The following SCFD2 variants were observed in gnomAD, a reference collection of about 807,000 sequenced individuals.
SCFD2 encodes sec1 family domain containing 2, also known as sec1 family domain-containing protein 2.
Under a neutral mutation model 58.9 loss-of-function variants are expected in SCFD2, and 54 were observed. The observed-to-expected ratio is 0.92, with a 90% CI of 0.74 to 1.15. The LOEUF (loss-of-function observed/expected upper bound fraction) is 1.15. SCFD2 is among the 50% of genes most tolerant of loss of function. The pLI is 0.00. For synonymous variants in SCFD2, 321 were observed against 335.9 expected (o/e 0.96, Z 0.49); for missense variants, 805 against 836.6 (o/e 0.96, Z 0.47).
At chr4:53,241,769 C>T (rs1253079227) in intron 4 of SCFD2, among the ~76,000 whole-genome samples, 1 of 152,328 alleles carries the variant, frequency 6.6e-6, no homozygotes, top group Non-Finnish European at 1.5e-5. Context: ...CCTCCTGCTG[C>T]ACCACCATTG....
chr4:53,289,439 G>C (rs1429181978), intron 3 of SCFD2, among the ~76,000 whole-genome samples: 1 of 151,898 alleles, frequency 6.6e-6, no homozygotes, highest in Non-Finnish European at 1.5e-5. Flanking sequence ...TAAGCCTCAA[G>C]ATAAAAGATA....
chr4:52,954,349 C>T (rs1034653369), intron 5 of SCFD2, among the ~76,000 whole-genome samples: 1 of 152,090 alleles, frequency 6.6e-6, no homozygotes, highest in Non-Finnish European at 1.5e-5. Context: ...TTCCCATCTT[C>T]CTCAAATCTG....
At chr4:53,024,545 A>G (rs574981858) in intron 5 of SCFD2, among the ~76,000 whole-genome samples, 2 of 152,320 alleles carry the variant, frequency 1.3e-5, no homozygotes, top group South Asian at 4.1e-4. Flanking sequence ...TTCTTTCTAG[A>G]TATTTGGTTT....
chr4:52,899,970 G>A (rs959065271), intron 7 of SCFD2, among the ~76,000 whole-genome samples: 16 of 152,134 alleles, frequency 1.1e-4, no homozygotes, highest in Non-Finnish European at 1.9e-4. Context: ...CATTCGTCAC[G>A]TAGTTCTCGT....
chr4:52,944,681 C>T (rs536962957), intron 5 of SCFD2, among the ~76,000 whole-genome samples: 1 of 152,354 alleles, frequency 6.6e-6, no homozygotes, highest in Admixed American at 6.5e-5. Flanking sequence ...AATAGATACT[C>T]TACTTCAACT....
At chr4:53,075,850 G>A (rs185941721) in intron 5 of SCFD2, among the ~76,000 whole-genome samples, 1 of 152,304 alleles carries the variant, frequency 6.6e-6, no homozygotes, top group African/African-American at 2.4e-5. Context: ...GAAATATTGT[G>A]AGAGTTACCA....
intron 5 of SCFD2, chr4:52,950,970 C>A (rs1366248740): frequency 6.6e-6 from 1 of 152,156 alleles, no homozygotes; most frequent in Non-Finnish European, 1.5e-5. Context: ...TCCGTTCCCC[C>A]ACTTAGTGGA....
intron 4 of SCFD2, among the ~76,000 whole-genome samples, chr4:53,164,426 A>G (rs1407223661): frequency 6.6e-6 from 1 of 152,164 alleles, no homozygotes; most frequent in African/African-American, 2.4e-5. Context: ...GCCTAGGTCC[A>G]GCCAGCTAGT....
chr4:53,079,533 A>T (rs1383604465), intron 5 of SCFD2, among the ~76,000 whole-genome samples: 2 of 151,960 alleles, frequency 1.3e-5, no homozygotes, highest in Non-Finnish European at 2.9e-5. Context: ...GGATCCAAAA[A>T]TTTTTTTTAT....
intron 5 of SCFD2, among the ~76,000 whole-genome samples, chr4:52,965,987 C>T (rs1720954378): frequency 1.3e-5 from 2 of 152,128 alleles, no homozygotes; most frequent in Admixed American, 1.3e-4. Context: ...ATGTGCTAAA[C>T]TTGGATCTGA....
At chr4:53,037,340 C>A (rs966501596) in intron 5 of SCFD2, among the ~76,000 whole-genome samples, 1 of 152,032 alleles carries the variant, frequency 6.6e-6, no homozygotes, top group Non-Finnish European at 1.5e-5. Flanking sequence ...GAGAAATATT[C>A]TCCAAATAGT....
At chr4:52,957,404 G>A (rs1029910466) in intron 5 of SCFD2, 5 of 152,188 alleles carry the variant, frequency 3.3e-5, no homozygotes, top group Admixed American at 1.3e-4. Context: ...GGATAGGAGC[G>A]GTATGTGGCC....
At chr4:53,098,601 T>G (rs1577725523) in intron 5 of SCFD2, among the ~76,000 whole-genome samples, 1 of 152,130 alleles carries the variant, frequency 6.6e-6, no homozygotes, top group African/African-American at 2.4e-5. Flanking sequence ...TCACTGCTGC[T>G]TTAGAGACTG....
At chr4:52,938,577 A>C (rs1156543996) in intron 5 of SCFD2, among the ~76,000 whole-genome samples, 1 of 152,208 alleles carries the variant, frequency 6.6e-6, no homozygotes, top group Non-Finnish European at 1.5e-5. Context: ...TATACTAACA[A>C]GCAGAGGTCT....
intron 3 of SCFD2, among the ~76,000 whole-genome samples, chr4:53,303,834 CA>C (rs375358500): frequency 0.19 from 28,041 of 151,120 alleles, 2,861 homozygotes; most frequent in Non-Finnish European, 0.24. Context: ...CCATCATTCT[CA>C]GCAAACTATC....
intron 4 of SCFD2, among the ~76,000 whole-genome samples, chr4:53,260,263 A>C (rs1730790150): frequency 6.6e-6 from 1 of 152,092 alleles, no homozygotes; most frequent in African/African-American, 2.4e-5. Flanking sequence ...TCCCAGTACT[A>C]TGTTGAACAG....
chr4:53,070,209 G>GTTGGT (rs1444139345), intron 5 of SCFD2, among the ~76,000 whole-genome samples: 1 of 152,078 alleles, frequency 6.6e-6, no homozygotes, highest in East Asian at 1.9e-4. Context: ...CTTTCTTAGA[G>GTTGGT]TTGGTTTTAT....
chr4:53,197,548 T>C (rs1420380492), intron 4 of SCFD2, among the ~76,000 whole-genome samples: 1 of 152,054 alleles, frequency 6.6e-6, no homozygotes, highest in Non-Finnish European at 1.5e-5. Context: ...ACCACCTACC[T>C]ATAATATTAA....
chr4:52,998,198 C>T (rs1342669670), intron 5 of SCFD2, among the ~76,000 whole-genome samples: 1 of 152,148 alleles, frequency 6.6e-6, no homozygotes, highest in African/African-American at 2.4e-5. Context: ...AAACATGTAA[C>T]ACTGAAGGGG....
Sources: gnomAD v4.1 joint callset for allele counts (sites outside exome capture counted in the v4.1 genomes callset) on GRCh38, gnomAD v4.1.1 for gene constraint, MANE v1.5 for transcripts, NCBI Gene and HGNC (gene_info 2026-07-23, HGNC 2026-07-21) for gene names.